The following AKT3 variants were observed in gnomAD, a reference collection of about 807,000 sequenced individuals.
AKT3 encodes AKT serine/threonine kinase 3, also known as RAC-gamma serine/threonine-protein kinase.
Under a neutral mutation model 65.3 loss-of-function variants are expected in AKT3, and 15 were observed. The observed-to-expected ratio is 0.23, with a 90% CI of 0.15 to 0.35. AKT3 has a LOEUF of 0.35. AKT3 is among the 10% of genes least tolerant of loss of function. The probability of loss-of-function intolerance (pLI) is 1.00; values close to 1 mark genes in which losing one functional copy is unlikely to be tolerated. For missense variants in AKT3, 243 were observed against 576.5 expected (o/e 0.42, Z 5.92); for synonymous variants, 206 against 183.8 (o/e 1.12, Z -0.98).
chr1:243,779,767 T>C (rs1037735454), intron 2 of AKT3, among the ~76,000 whole-genome samples: 6 of 152,056 alleles, frequency 3.9e-5, no homozygotes, highest in African/African-American at 1.4e-4. Context: ...CTTCTAGAGG[T>C]AGGAAAGTAT....
rs1273001421 is a variant in AKT3, at chr1:243,686,378, G to A, written c.172+9213C>T. Among the ~76,000 whole-genome samples, 5 of 151,754 alleles carry A rather than the reference G, an allele frequency of 3.3e-5. No homozygotes were observed. In the East Asian group the frequency reaches 9.7e-4, roughly 29 times the overall value. On this transcript the variant is annotated intron_variant, in intron 3 of 13. Coordinates refer to ENST00000673466, the MANE Select transcript of AKT3 (RefSeq NM_005465.7). ...CCTGACTAATCAAAGTCCTAGGCAT[G>A]AAATGAAACTAGAAATTTTCCTCCA...
chr1:243,708,061 C>T (rs964121352), intron 2 of AKT3, among the ~76,000 whole-genome samples: 7 of 152,098 alleles, frequency 4.6e-5, no homozygotes, highest in African/African-American at 1.7e-4. Context: ...ATCAAAGACA[C>T]AAAAACTAAA....
intron 5 of AKT3, among the ~76,000 whole-genome samples, chr1:243,638,627 T>C (rs1377782554): frequency 1.3e-5 from 2 of 152,208 alleles, no homozygotes; most frequent in Admixed American, 1.3e-4. Flanking sequence ...AGAAGGTAAT[T>C]GTATATGATC....
intron 8 of AKT3, among the ~76,000 whole-genome samples, chr1:243,595,814 C>G (rs1467595316): frequency 6.6e-6 from 1 of 152,090 alleles, no homozygotes; most frequent in Non-Finnish European, 1.5e-5. Context: ...CCACCTGATG[C>G]TGTTTTACAG....
intron 2 of AKT3, among the ~76,000 whole-genome samples, chr1:243,820,696 A>G (rs1693805307): frequency 2.6e-5 from 4 of 152,166 alleles, no homozygotes; most frequent in Admixed American, 1.3e-4. Flanking sequence ...GGAGGAAAGA[A>G]TTTCAGAGCT....
At chr1:243,800,877 A>G (rs561725386) in intron 2 of AKT3, among the ~76,000 whole-genome samples, 2 of 152,328 alleles carry the variant, frequency 1.3e-5, no homozygotes, top group East Asian at 3.9e-4. Flanking sequence ...AATATCATAT[A>G]ATTAACCTAA....
At chr1:243,716,300 C>T (rs928496715) in intron 2 of AKT3, among the ~76,000 whole-genome samples, 4 of 152,118 alleles carry the variant, frequency 2.6e-5, no homozygotes, top group African/African-American at 4.8e-5. Flanking sequence ...TATTTACCTA[C>T]GTTGCATCTT....
intron 2 of AKT3, among the ~76,000 whole-genome samples, chr1:243,720,032 G>A (rs1686778142): frequency 6.6e-6 from 1 of 152,166 alleles, no homozygotes; most frequent in South Asian, 2.1e-4. Flanking sequence ...AAAAATGGTG[G>A]CCGGGCGCGG....
intron 2 of AKT3, among the ~76,000 whole-genome samples, chr1:243,743,372 T>C (rs1688284544): frequency 6.6e-6 from 1 of 152,240 alleles, no homozygotes; most frequent in Admixed American, 6.5e-5. Context: ...CCACTGTTTG[T>C]TTAAAACACT....
At chr1:243,757,011 T>C (rs1689179179) in intron 2 of AKT3, among the ~76,000 whole-genome samples, 1 of 152,130 alleles carries the variant, frequency 6.6e-6, no homozygotes, top group Non-Finnish European at 1.5e-5. Context: ...ACAAAATAAC[T>C]GGCATGTAAT....
chr1:243,849,756 G>A (rs1359226119), intron 1 of AKT3, among the ~76,000 whole-genome samples: 2 of 151,080 alleles, frequency 1.3e-5, no homozygotes, highest in Non-Finnish European at 3.0e-5. Flanking sequence ...CCCCTCCCCC[G>A]GCCCGCTGCG....
chr1:243,702,098 T>C (rs920146228), intron 2 of AKT3, among the ~76,000 whole-genome samples: 1 of 90,156 alleles, frequency 1.1e-5, no homozygotes, highest in African/African-American at 4.3e-5. Context: ...GAGAGAGCCA[T>C]AGAATTTATG....
intron 2 of AKT3, among the ~76,000 whole-genome samples, chr1:243,750,961 A>T (rs1336843533): frequency 1.3e-5 from 2 of 152,208 alleles, no homozygotes; most frequent in Non-Finnish European, 2.9e-5. Context: ...CTTTTGTTTT[A>T]GCTGTTGGTA....
chr1:243,711,569 TAGTC>T lies in AKT3; in HGVS notation c.47-15857_47-15854del, dbSNP rs528803003. Among the ~76,000 whole-genome samples the T allele has an allele frequency of 4.0e-3, 607 of 152,300 alleles. 2 individuals carry two copies. Among genetic ancestry groups the T allele is most frequent in the Non-Finnish European group, 7.0e-3 (478 of 68,028 alleles). ...ACAGCTTGGTATTCTTATTCTATGA[TAGTC>T]AGAGCATTATATAAATACTCCAATT... On this transcript the variant is annotated intron_variant, in intron 2 of 13. Coordinates refer to ENST00000673466, the MANE Select transcript of AKT3 (RefSeq NM_005465.7).
At chr1:243,631,805 C>T (rs1174680568) in intron 6 of AKT3, among the ~76,000 whole-genome samples, 1 of 152,204 alleles carries the variant, frequency 6.6e-6, no homozygotes, top group African/African-American at 2.4e-5. Flanking sequence ...ATGGCATCTT[C>T]TCAAAGAGTA....
chr1:243,713,166 C>G (rs1401265939), intron 2 of AKT3, among the ~76,000 whole-genome samples: 2 of 152,150 alleles, frequency 1.3e-5, no homozygotes, highest in Non-Finnish European at 2.9e-5. Context: ...GCATTAAGAT[C>G]ACACCAAATC....
chr1:243,661,121 G>A (rs1483613723), intron 4 of AKT3, among the ~76,000 whole-genome samples: 4 of 152,152 alleles, frequency 2.6e-5, no homozygotes, highest in Admixed American at 6.5e-5. Flanking sequence ...TCGTGAAAAC[G>A]GCCATACTGC....
chr1:243,515,527 G>C (rs180912038), intron 12 of AKT3, among the ~76,000 whole-genome samples: 1 of 152,140 alleles, frequency 6.6e-6, no homozygotes, highest in Admixed American at 6.5e-5. Context: ...TCTGTTAATA[G>C]GTGAACTATA....
chr1:243,705,119 A>T (rs1281556833), intron 2 of AKT3, among the ~76,000 whole-genome samples: 3 of 152,234 alleles, frequency 2.0e-5, no homozygotes, highest in African/African-American at 7.2e-5. Context: ...AGAAACTCTC[A>T]TTCTAATGCA....
Sources: allele counts gnomAD v4.1 joint callset (sites outside exome capture counted in the v4.1 genomes callset), GRCh38; gene constraint gnomAD v4.1.1; transcripts MANE v1.5; gene names NCBI Gene and HGNC (gene_info 2026-07-23, HGNC 2026-07-21).